Variants in WNT5A observed in about 807,000 individuals in gnomAD.
The protein encoded by WNT5A is Wnt family member 5A, also known as protein Wnt-5a.
In WNT5A, 9 loss-of-function variants were observed where a neutral mutation model predicts 42.1. The ratio of observed to expected loss-of-function variants is 0.21; its 90% CI spans 0.13 to 0.37. WNT5A has a LOEUF of 0.37. Among genes scored for constraint, WNT5A ranks in the 10% least tolerant of loss-of-function variants. The pLI is 1.00. For missense variants in WNT5A, 426 were observed against 534.0 expected (o/e 0.80, Z 1.99); for synonymous variants, 210 against 210.0 (o/e 1.00, Z 0.00).
chr3:55,471,811 G>A (rs2051257483), intron 4 of WNT5A, among the ~76,000 whole-genome samples: 1 of 152,194 alleles, frequency 6.6e-6, no homozygotes, highest in East Asian at 1.9e-4. Context: ...GTGTGAGTGT[G>A]CTGGAGAAGA....
chr3:55,487,968 T>C (rs1202546917), upstream of WNT5A: 1 of 151,444 alleles, frequency 6.6e-6, no homozygotes, highest in Non-Finnish European at 1.5e-5. Context: ...CGGGTTGATC[T>C]CTCTTTTCCC....
chr3:55,493,487 T>C (rs1258099222), upstream of WNT5A, among the ~76,000 whole-genome samples: 3 of 152,238 alleles, frequency 2.0e-5, no homozygotes, highest in Non-Finnish European at 4.4e-5. Context: ...CTTATCCTGA[T>C]CTAAAATTAT....
At chr3:55,494,969 G>A (rs2051700596), upstream of WNT5A, among the ~76,000 whole-genome samples, 1 of 152,112 alleles carries the variant, frequency 6.6e-6, no homozygotes, top group East Asian at 1.9e-4. Context: ...TTAGACTTTG[G>A]CCAAAGAATA....
At chr3:55,500,093 A>G in the WNT5A span, among the ~76,000 whole-genome samples, 2 of 152,130 alleles carry the variant, frequency 1.3e-5, no homozygotes, top group Non-Finnish European at 2.9e-5. Context: ...AGGCAGGGCC[A>G]CAGAGTTGGG....
intron 4 of WNT5A, among the ~76,000 whole-genome samples, chr3:55,473,357 G>C (rs546713660): frequency 2.0e-5 from 3 of 152,074 alleles, no homozygotes; most frequent in Non-Finnish European, 4.4e-5. Context: ...ACCTACCTTG[G>C]GTTCTGTGAA....
At chr3:55,479,650 A>G in intron 2 of WNT5A, 86 bp from the exon 3 acceptor site, 1 of 1,461,862 alleles carries the variant, frequency 6.8e-7, no homozygotes, top group Non-Finnish European at 9.1e-7. Context: ...ACATAGTTTT[A>G]AGCACACAGA....
At chr3:55,492,716 C>G (rs1259633597), upstream of WNT5A, among the ~76,000 whole-genome samples, 1 of 152,154 alleles carries the variant, frequency 6.6e-6, no homozygotes, top group East Asian at 1.9e-4. Flanking sequence ...TAATTGCTGG[C>G]AACACTTACT....
intron 2 of WNT5A, 98 bp downstream of exon 2, chr3:55,480,687 C>T: frequency 3.2e-6 from 4 of 1,266,426 alleles, no homozygotes; most frequent in South Asian, 2.3e-5. Context: ...ATAAATACAC[C>T]CACACTCACT....
chr3:55,482,390 C>A (rs1449076294), intron 1 of WNT5A, among the ~76,000 whole-genome samples: 1 of 152,214 alleles, frequency 6.6e-6, no homozygotes, highest in Non-Finnish European at 1.5e-5. Flanking sequence ...TCTAACCCTG[C>A]CGCACTGCAT....
At position 55,467,438 on chromosome 3, in the gene WNT5A, C is replaced by T. The variant is rs1397185824; in HGVS notation, c.*2654G>A. 6.6e-6 allele frequency: 1 copy of T among 151,176 alleles called. No individual in the cohort carries two copies. Among genetic ancestry groups the T allele is most frequent in the Non-Finnish European group, 1.5e-5 (1 of 67,832 alleles). 9.4% of individuals were successfully genotyped at this position (151,176 alleles called of 1,614,324 possible). On this transcript the variant is annotated 3_prime_UTR_variant, in exon 5 of 5. Coordinates refer to ENST00000264634, the MANE Select transcript of WNT5A (RefSeq NM_003392.7). ...CTTTTGTTCCATTACATATAGAAAC[C>T]TTTTGAAGCTTCCAAATAGCTTGGT... is the stretch of plus-strand genomic sequence containing the variant.
chr3:55,486,352 C>T (rs1010559245), intron 1 of WNT5A, among the ~76,000 whole-genome samples: 6 of 152,146 alleles, frequency 3.9e-5, no homozygotes, highest in Non-Finnish European at 7.3e-5. Flanking sequence ...CTCCCCGCGC[C>T]GGGGTGCGCG....
At chr3:55,492,889 T>C (rs893410414), upstream of WNT5A, among the ~76,000 whole-genome samples, 1 of 152,104 alleles carries the variant, frequency 6.6e-6, no homozygotes, top group African/African-American at 2.4e-5. Flanking sequence ...GTTTTAGGAG[T>C]TGCGAATCCT....
chr3:55,470,310 A>G lies in WNT5A; in HGVS notation c.925T>C (p.Cys309Arg), dbSNP rs747485846. The change falls in exon 5 of 5, where the codon TGC (cysteine) becomes CGC (arginine). Residue 309 changes from cysteine to arginine, a missense_variant. By Grantham distance (180) the Cys-to-Arg change is radical. Coordinates refer to ENST00000264634, the MANE Select transcript of WNT5A (RefSeq NM_003392.7). Reference protein sequence around the residue: ...LVYIDPSPDYCVRNESTGSLG... With the variant: ...LVYIDPSPDYRVRNESTGSLG... ...GAGCCGGTGCTCTCATTGCGCACGC[A>G]GTAGTCAGGGCTGGGGTCGATGTAG... is the stretch of plus-strand genomic sequence containing the variant. 6.2e-7 allele frequency: 1 copy of G among 1,614,060 alleles called. No individual in the cohort carries two copies. The highest frequency in any genetic ancestry group is 8.5e-7 in the Non-Finnish European group (1 of 1,179,904).
In WNT5A at chr3:55,474,362, A is replaced by T; in HGVS notation, c.659T>A (p.Leu220Gln). Reference sequence around the variant, plus strand: ...CCTGCGGCCGGCCTCGTTGTTGTGCAGGTTCATGAGGATGCGAGCACTCTC... The same window carrying T: ...CCTGCGGCCGGCCTCGTTGTTGTGCTGGTTCATGAGGATGCGAGCACTCTC... ...SYESARILMNLHNNEAGRRTV... is the reference protein window; with the variant it reads ...SYESARILMNQHNNEAGRRTV... The change falls in exon 4 of 5, where the codon CTG (leucine) becomes CAG (glutamine). Residue 220 changes from leucine to glutamine, a missense_variant. By Grantham distance (113) the Leu-to-Gln change is moderately radical. This residue lies in a region of WNT5A where 358 missense variants were observed against 468.1 expected (regional missense o/e 0.76). Transcript: ENST00000264634. 1 of 1,612,996 alleles carries T rather than the reference A, an allele frequency of 6.2e-7. No homozygotes were observed.
Position 55,467,385 on chromosome 3 carries a change from G to A in WNT5A, c.*2707C>T, listed in dbSNP as rs574803787. 10 of 141,890 alleles carry A rather than the reference G, an allele frequency of 7.0e-5. No homozygotes were observed. In the East Asian group the frequency reaches 1.0e-3, roughly 14 times the overall value. The allele number at this position is 141,890 out of a possible 1,614,324, so 8.8% of individuals were successfully genotyped here. On this transcript the variant is annotated 3_prime_UTR_variant, in exon 5 of 5. Coordinates refer to ENST00000264634, the MANE Select transcript of WNT5A (RefSeq NM_003392.7). The stretch of plus-strand genomic sequence containing the variant: ...ATTTCTTTTTTTTTTTTTTTTGTAA[G>A]GAACATATATAGGAAAAGAGAATTC...
At chr3:55,503,816 G>A in the WNT5A span, among the ~76,000 whole-genome samples, 26 of 152,308 alleles carry the variant, frequency 1.7e-4, no homozygotes, top group Non-Finnish European at 3.2e-4. Flanking sequence ...GGGCATGGTA[G>A]TGCGTACCAA....
At position 55,483,612 on chromosome 3, in the gene WNT5A, G is replaced by A. The variant is rs2051511972; in HGVS notation, c.7-2694C>T. On this transcript the variant is annotated intron_variant, in intron 1 of 4. Coordinates refer to ENST00000264634, the MANE Select transcript of WNT5A (RefSeq NM_003392.7). This position sits in a 1 kb window ranked among gnomAD's most constrained non-coding sequence, Gnocchi z 4.2. The stretch of plus-strand genomic sequence containing the variant: ...GGGCTCAGGGAAGATGACTCTGTAA[G>A]GACACTGAGAATCTTCCTCGCGTGC... 6.6e-6 allele frequency among the ~76,000 whole-genome samples: 1 copy of A among 152,200 alleles called. No individual in the cohort carries two copies. The highest frequency in any genetic ancestry group is 2.4e-5 in the African/African-American group (1 of 41,462).
chr3:55,494,743 TGGCCA>T (rs993218806), upstream of WNT5A, among the ~76,000 whole-genome samples: 2 of 152,196 alleles, frequency 1.3e-5, no homozygotes, highest in African/African-American at 4.8e-5. Flanking sequence ...TTCACCATGT[TGGCCA>T]GGCTGGTCTT....
the WNT5A span, among the ~76,000 whole-genome samples, chr3:55,496,473 G>T: frequency 5.3e-5 from 8 of 152,310 alleles, no homozygotes; most frequent in African/African-American, 1.4e-4. Context: ...CAGAATTCAG[G>T]AAAGTGAAGT....
Sources: gnomAD v4.1 joint callset for allele counts (sites outside exome capture counted in the v4.1 genomes callset) on GRCh38, gnomAD v4.1.1 for gene constraint, gnomAD v4.1.1 regional missense constraint, Gnocchi (gnomAD v3.1) non-coding constraint, MANE v1.5 for transcripts, NCBI Gene and HGNC (gene_info 2026-07-23, HGNC 2026-07-21) for gene names.